Variants in HNF4A observed in about 807,000 individuals in gnomAD.
HNF4A encodes the protein hepatocyte nuclear factor 4 alpha, also known as hepatocyte nuclear factor 4-alpha.
HNF4A carries 15 observed loss-of-function variants against 52.4 expected under a neutral mutation model. That is an observed-to-expected ratio of 0.29 (90% confidence interval 0.19 to 0.44). The LOEUF (loss-of-function observed/expected upper bound fraction) is 0.44, where lower values mean the gene tolerates loss of function less well. Among genes scored for constraint, HNF4A ranks in the 20% least tolerant of loss-of-function variants. The pLI, the probability that HNF4A is intolerant of heterozygous loss-of-function variation, is 1.00. For missense variants in HNF4A, 479 were observed against 647.2 expected (o/e 0.74, Z 2.82); for synonymous variants, 280 against 264.4 (o/e 1.06, Z -0.57).
intron 8 of HNF4A, chr20:44,424,458 C>A: frequency 9.8e-7 from 1 of 1,016,950 alleles, no homozygotes. Context: ...GAGAACCTAG[C>A]ACGTGCCAGT....
chr20:44,411,548 C>T (rs1219229984), intron 3 of HNF4A, among the ~76,000 whole-genome samples: 2 of 152,052 alleles, frequency 1.3e-5, no homozygotes, highest in Non-Finnish European at 2.9e-5. Flanking sequence ...GTGGGGTGGA[C>T]GGCCCGGTCA....
At chr20:44,413,832 A>G (rs1448009234) in intron 4 of HNF4A, 32 bp downstream of exon 4, 3 of 1,450,564 alleles carry the variant, frequency 2.1e-6, no homozygotes, top group Non-Finnish European at 2.9e-6. Flanking sequence ...CCACCCAGGG[A>G]TCCCCCACAC....
chr20:44,399,269 A>T (rs1266027771), upstream of HNF4A, among the ~76,000 whole-genome samples: 1 of 152,216 alleles, frequency 6.6e-6, no homozygotes, highest in Non-Finnish European at 1.5e-5. Context: ...TGTCCTGGCT[A>T]ACAGAAAACT....
intron 1 of HNF4A, chr20:44,372,987 T>C (rs1568693844): frequency 6.6e-6 from 1 of 152,210 alleles, no homozygotes; most frequent in South Asian, 2.1e-4. Context: ...TGACTTTATC[T>C]CTCTGATCCT....
At chr20:44,375,764 T>C (rs1473056579) in intron 1 of HNF4A, among the ~76,000 whole-genome samples, 1 of 152,188 alleles carries the variant, frequency 6.6e-6, no homozygotes, top group African/African-American at 2.4e-5. Flanking sequence ...CAAATTTCAT[T>C]ATCCGAGAAC....
intron 5 of HNF4A, among the ~76,000 whole-genome samples, chr20:44,418,084 A>G (rs1184891616): frequency 6.6e-6 from 1 of 152,098 alleles, no homozygotes; most frequent in Admixed American, 6.5e-5. Context: ...TTGGGATCAT[A>G]GACCTTTTTG....
At position 44,390,441 on chromosome 20, in the gene HNF4A, G is replaced by C. The variant is rs1011255403; in HGVS notation, c.50-15617G>C. ...TGCAGAGCCCTGGGGCTAATTCCTT[G>C]CATGGATCCTGGACAGGTCTGCAGT... On this transcript the variant is annotated intron_variant, in intron 1 of 9. Transcript: ENST00000316673. 7.5e-5 allele frequency: 42 copies of C among 562,442 alleles called. No individual in the cohort carries two copies. The African/African-American group carries it at 7.5e-4, about 10-fold the overall frequency. 34.8% of individuals were successfully genotyped at this position (562,442 alleles called of 1,614,324 possible).
chr20:44,428,401 G>A lies in HNF4A; in HGVS notation c.1196G>A (p.Gly399Glu), dbSNP rs769972803. ...CCTCACCTGATGCAGGAACATATGG[G>A]AACCAACGTCATCGTTGCCAACACA... The change falls in exon 9 of 10, where the codon GGA becomes GAA. Residue 399 changes from glycine to glutamate, a missense_variant. Gly to Glu is a moderately conservative substitution (Grantham distance 98). Transcript: ENST00000316099. 1 of 1,614,150 alleles carries A rather than the reference G, an allele frequency of 6.2e-7. No homozygotes were observed. Among genetic ancestry groups the A allele is most frequent in the Non-Finnish European group, 8.5e-7 (1 of 1,180,004 alleles).
chr20:44,420,019 T>A (rs2063722335), intron 7 of HNF4A, 143 bp downstream of exon 7: 6 of 870,264 alleles, frequency 6.9e-6, no homozygotes, highest in Non-Finnish European at 5.8e-6. Flanking sequence ...ATTTAACAGA[T>A]GAGGCAAGTC....
At chr20:44,418,549 A>AG in intron 6 of HNF4A, 37 bp downstream of exon 6, 1 of 1,489,076 alleles carries the variant, frequency 6.7e-7, no homozygotes, top group Non-Finnish European at 9.3e-7. Context: ...GGCTCCAGGG[A>AG]GGGTATGCCT....
chr20:44,424,771 T>A, intron 8 of HNF4A: 1 of 329,138 alleles, frequency 3.0e-6, no homozygotes, highest in Non-Finnish European at 5.4e-6. Flanking sequence ...GAGAGGAATA[T>A]TCCAAGAAGA....
chr20:44,369,428 TCAA>T lies in HNF4A; in HGVS notation c.49+13576_49+13578del, dbSNP rs1280252831. On this transcript the variant is annotated intron_variant, in intron 1 of 9. Transcript: ENST00000316673. ...TTGGATGATAGACTGAGACCCTGCCTCAAAAAAAGAGAAAGGAAAATAAATAAA... is the reference window on the plus strand; with the variant it reads ...TTGGATGATAGACTGAGACCCTGCCTAAAAAGAGAAAGGAAAATAAATAAA... 4.6e-5 allele frequency among the ~76,000 whole-genome samples: 7 copies of T among 150,866 alleles called. No individual in the cohort carries two copies. The East Asian group carries it at 1.4e-3, about 29-fold the overall frequency.
chr20:44,359,947 G>T (rs375793023), intron 1 of HNF4A, among the ~76,000 whole-genome samples: 1 of 152,180 alleles, frequency 6.6e-6, no homozygotes, highest in Non-Finnish European at 1.5e-5. Context: ...ATGCATATCT[G>T]TGTGCTAACC....
At chr20:44,405,284 T>C (rs958361185) in intron 1 of HNF4A, among the ~76,000 whole-genome samples, 65 of 152,280 alleles carry the variant, frequency 4.3e-4, no homozygotes, top group Non-Finnish European at 6.9e-4. Flanking sequence ...TTTTAAATTT[T>C]TTAAATTTTT....
At chr20:44,418,178 G>A (rs964609533) in intron 5 of HNF4A, among the ~76,000 whole-genome samples, 6 of 152,098 alleles carry the variant, frequency 3.9e-5, no homozygotes, top group Admixed American at 2.6e-4. Flanking sequence ...GCACGAAGCA[G>A]TTTCTTGCCC....
chr20:44,405,044 T>TTGTGTGTGGACTGTGGTGCG (rs2063478155), intron 1 of HNF4A, among the ~76,000 whole-genome samples: 1 of 47,050 alleles, frequency 2.1e-5, no homozygotes, highest in East Asian at 4.1e-4. Context: ...GTGTGTGTGC[T>TTGTGTGTGGACTGTGGTGCG]TGTGTGTGGA....
chr20:44,407,556 C>T, intron 3 of HNF4A, 81 bp downstream of exon 3: 1 of 981,992 alleles, frequency 1.0e-6, no homozygotes, highest in South Asian at 1.4e-5. Flanking sequence ...CAACTGTAGC[C>T]ACACTTTATG....
intron 8 of HNF4A, among the ~76,000 whole-genome samples, chr20:44,426,069 G>A (rs1483574472): frequency 6.6e-6 from 1 of 152,208 alleles, no homozygotes; most frequent in Non-Finnish European, 1.5e-5. Context: ...AGGCAGCTCT[G>A]TGGAATCAGG....
chr20:44,405,476 C>A (rs183853951), intron 1 of HNF4A, among the ~76,000 whole-genome samples: 195 of 152,258 alleles, frequency 1.3e-3, no homozygotes, highest in African/African-American at 4.4e-3. Context: ...CCTGCCTCTA[C>A]GGCCCCCCTC....
Sources: gnomAD v4.1 joint callset for allele counts (sites outside exome capture counted in the v4.1 genomes callset) on GRCh38, gnomAD v4.1.1 for gene constraint, MANE v1.5 for transcripts, NCBI Gene and HGNC (gene_info 2026-07-23, HGNC 2026-07-21) for gene names.